The following RIMKLB variants were observed in gnomAD, a reference collection of about 807,000 sequenced individuals.
The protein encoded by RIMKLB is beta-citrylglutamate synthase B.
In RIMKLB, 7 loss-of-function variants were observed where a neutral mutation model predicts 32.0. That is an observed-to-expected ratio of 0.22 (90% CI 0.12 to 0.41). RIMKLB has a LOEUF of 0.41. Among genes scored for constraint, RIMKLB ranks in the 10% least tolerant of loss-of-function variants. RIMKLB has a pLI of 1.00. For missense variants in RIMKLB, 289 were observed against 498.7 expected, an observed-to-expected ratio of 0.58 and a Z score of 4.00; for synonymous variants, 172 against 185.1, an observed-to-expected ratio of 0.93 and a Z score of 0.57.
chr12:8,732,781 ACT>A lies in RIMKLB; in HGVS notation c.176-17076_176-17075del, dbSNP rs752681811. On this transcript the variant is annotated intron_variant, in intron 2 of 5. Coordinates refer to ENST00000535829, the MANE Select transcript of RIMKLB (RefSeq NM_001297776.2). Reference sequence around the variant, plus strand: ...TACACACACACACACACACACACACACTCTCTTTAATTTTTTTACGCAAAAGA... The same window carrying A: ...TACACACACACACACACACACACACACTCTTTAATTTTTTTACGCAAAAGA... Among the ~76,000 whole-genome samples, 153 of 150,750 alleles carry A rather than the reference ACT, an allele frequency of 1.0e-3. 2 individuals carry two copies. The East Asian group carries it at 0.016, about 16-fold the overall frequency.
chr12:8,743,941 A>G (rs1390709030), intron 2 of RIMKLB, among the ~76,000 whole-genome samples: 3 of 152,010 alleles, frequency 2.0e-5, no homozygotes, highest in African/African-American at 7.3e-5. Flanking sequence ...TTTATTAAAA[A>G]GACAATATGT....
In RIMKLB at chr12:8,774,661, C is replaced by T. The variant is rs1265649877; in HGVS notation, c.*877C>T. On this transcript the variant is annotated 3_prime_UTR_variant, in exon 6 of 6. Coordinates refer to ENST00000535829, the MANE Select transcript of RIMKLB (RefSeq NM_001297776.2). ...AATGGCCAAAGTGAAGAAAATGCTA[C>T]CTTTTTTGTTAACAAGACACTGACT... is the stretch of plus-strand genomic sequence containing the variant. 1 of 984,778 alleles carries T rather than the reference C, an allele frequency of 1.0e-6. No homozygotes were observed. Among genetic ancestry groups the T allele is most frequent in the Non-Finnish European group, 1.2e-6 (1 of 829,732 alleles). 61.0% of individuals were successfully genotyped at this position (984,778 alleles called of 1,614,324 possible). A position where few individuals can be genotyped will look rare whatever the true frequency, so the allele number is the denominator to read the frequency against.
intron 2 of RIMKLB, among the ~76,000 whole-genome samples, chr12:8,726,116 G>T (rs1404475323): frequency 2.0e-5 from 3 of 152,222 alleles, no homozygotes; most frequent in Non-Finnish European, 2.9e-5. Context: ...CCATGGTGCT[G>T]GGATTACAGG....
At chr12:8,772,941 C>T (rs1207644645) in intron 5 of RIMKLB, among the ~76,000 whole-genome samples, 2 of 152,222 alleles carry the variant, frequency 1.3e-5, no homozygotes, top group Non-Finnish European at 1.5e-5. Context: ...TCACCACCTT[C>T]CCAGATTTCA....
At chr12:8,715,340 C>T (rs745322583) in intron 2 of RIMKLB, among the ~76,000 whole-genome samples, 4 of 151,264 alleles carry the variant, frequency 2.6e-5, no homozygotes, top group African/African-American at 7.3e-5. Context: ...ATTCTTGTGC[C>T]TCAGCCTCCT....
chr12:8,750,105 A>G lies in RIMKLB; in HGVS notation c.406+13A>G. On this transcript the variant is annotated intron_variant, in intron 3 of 5. Transcript: ENST00000535829. ...ACTTTCTCTTATGGTGAGCCTACTAAAGAGCATACATAGCCTGAATATTAA... is the reference window on the plus strand; with the variant it reads ...ACTTTCTCTTATGGTGAGCCTACTAGAGAGCATACATAGCCTGAATATTAA... 6.6e-7 allele frequency: 1 copy of G among 1,510,898 alleles called. No individual in the cohort carries two copies. The highest frequency in any genetic ancestry group is 2.3e-5 in the East Asian group (1 of 44,002). The allele number at this position is 1,510,898 out of a possible 1,614,324, so 93.6% of individuals were successfully genotyped here. A position where few individuals can be genotyped will look rare whatever the true frequency, so the allele number is the denominator to read the frequency against.
upstream of RIMKLB, among the ~76,000 whole-genome samples, chr12:8,694,525 C>A (rs1473544170): frequency 2.0e-5 from 3 of 151,332 alleles, no homozygotes; most frequent in African/African-American, 7.3e-5. Context: ...TCCCCAGTAG[C>A]TGGGATTACA....
chr12:8,729,002 A>G (rs778093531), intron 2 of RIMKLB, among the ~76,000 whole-genome samples: 6 of 152,114 alleles, frequency 3.9e-5, no homozygotes, highest in Non-Finnish European at 7.4e-5. Flanking sequence ...GGGGGAGCAC[A>G]GGTAAGCGGG....
the RIMKLB span, among the ~76,000 whole-genome samples, chr12:8,674,691 A>G: frequency 2.6e-5 from 4 of 151,138 alleles, no homozygotes; most frequent in African/African-American, 9.8e-5. Flanking sequence ...CTGGGATTAG[A>G]GGCATGTGAC....
chr12:8,685,739 G>A (rs1034683143), intron 1 of RIMKLB, among the ~76,000 whole-genome samples: 1 of 151,924 alleles, frequency 6.6e-6, no homozygotes, highest in African/African-American at 2.4e-5. Context: ...CCGCCTTCCG[G>A]TTCAAGTGAT....
chr12:8,747,778 CAG>C (rs1402722451), intron 2 of RIMKLB, among the ~76,000 whole-genome samples: 29 of 147,464 alleles, frequency 2.0e-4, no homozygotes, highest in African/African-American at 7.3e-4. Flanking sequence ...TTTTTTGAGA[CAG>C]AGTCTCACTC....
At chr12:8,710,071 C>T (rs948576565) in intron 1 of RIMKLB, among the ~76,000 whole-genome samples, 56 of 151,932 alleles carry the variant, frequency 3.7e-4, no homozygotes, top group South Asian at 2.1e-4. Context: ...ACTGCAGTTT[C>T]GACTTCCCAG....
At chr12:8,710,531 C>T (rs2136904311) in intron 1 of RIMKLB, among the ~76,000 whole-genome samples, 1 of 152,186 alleles carries the variant, frequency 6.6e-6, no homozygotes, top group South Asian at 2.1e-4. Context: ...TGGTCTCAAA[C>T]TCCTGACCAA....
intron 4 of RIMKLB, 147 bp from the exon 5 acceptor site, chr12:8,753,743 G>T: frequency 1.6e-6 from 1 of 642,124 alleles, no homozygotes; most frequent in South Asian, 2.0e-5. Flanking sequence ...TTATTTCACT[G>T]TTAAAACAGT....
intron 5 of RIMKLB, among the ~76,000 whole-genome samples, chr12:8,755,530 A>C (rs1485872086): frequency 2.6e-5 from 4 of 152,120 alleles, no homozygotes; most frequent in Non-Finnish European, 4.4e-5. Flanking sequence ...TCTACTCAGA[A>C]TGTTTCCAAA....
chr12:8,702,490 A>G (rs903456376), intron 1 of RIMKLB, among the ~76,000 whole-genome samples: 4 of 152,034 alleles, frequency 2.6e-5, no homozygotes, highest in East Asian at 1.9e-4. Context: ...AGCTTCTTAC[A>G]TTTCTTTTTT....
intron 2 of RIMKLB, among the ~76,000 whole-genome samples, chr12:8,737,564 A>G (rs564772002): frequency 6.6e-6 from 1 of 152,146 alleles, no homozygotes; most frequent in African/African-American, 2.4e-5. Flanking sequence ...TCCTATTTTT[A>G]TATCAGACTT....
At chr12:8,703,811 GA>G (rs1384977905) in intron 1 of RIMKLB, among the ~76,000 whole-genome samples, 2 of 152,234 alleles carry the variant, frequency 1.3e-5, no homozygotes, top group African/African-American at 4.8e-5. Context: ...GCACACTGCA[GA>G]GGGATGGTTG....
intron 3 of RIMKLB, 115 bp from the exon 4 acceptor site, chr12:8,751,842 A>G (rs1038843452): frequency 1.5e-6 from 1 of 674,432 alleles, no homozygotes; most frequent in Non-Finnish European, 2.6e-6. Flanking sequence ...AAAGTTAGCC[A>G]TCAGGCTCTT....
Sources: allele counts gnomAD v4.1 joint callset (sites outside exome capture counted in the v4.1 genomes callset), GRCh38; gene constraint gnomAD v4.1.1; transcripts MANE v1.5; gene names NCBI Gene and HGNC (gene_info 2026-07-23, HGNC 2026-07-21).